The following PARD3B variants were observed in gnomAD, a reference collection of about 807,000 sequenced individuals.
PARD3B encodes partitioning defective 3 homolog B.
In PARD3B, 103 loss-of-function variants were observed where a neutral mutation model predicts 130.2. The ratio of observed to expected loss-of-function variants is 0.79; its 90% confidence interval spans 0.67 to 0.93. PARD3B has a LOEUF of 0.93. PARD3B is among the 40% of genes least tolerant of loss of function. The probability of loss-of-function intolerance (pLI) is 0.00; values close to 1 mark genes in which losing one functional copy is unlikely to be tolerated. For missense variants in PARD3B, 1,609 were observed against 1,499.2 expected, an observed-to-expected ratio of 1.07 and a Z score of -1.21; for synonymous variants, 583 against 553.2, an observed-to-expected ratio of 1.05 and a Z score of -0.76.
At chr2:204,546,548 C>T (rs951479710) in intron 1 of PARD3B, among the ~76,000 whole-genome samples, 2 of 152,160 alleles carry the variant, frequency 1.3e-5, no homozygotes, top group Non-Finnish European at 1.5e-5. Context: ...CACTTAGGCT[C>T]CTTGGAGTTA....
chr2:204,596,291 A>G (rs2033286005), intron 1 of PARD3B, among the ~76,000 whole-genome samples: 1 of 152,148 alleles, frequency 6.6e-6, no homozygotes, highest in South Asian at 2.1e-4. Context: ...CAGCTCTTCA[A>G]ATCATTAACC....
At position 205,274,743 on chromosome 2, in the gene PARD3B, C is replaced by T. The variant is rs2040874367; in HGVS notation, c.2186-25787C>T. ...AGAATTTATTATGCAACTTTTAAGC[C>T]CTCTACAGAAATCATTATATTATTT... On this transcript the variant is annotated intron_variant, in intron 16 of 22. Transcript: ENST00000406610. The surrounding 1 kb of genome is among the most constrained non-coding windows in gnomAD (Gnocchi z 4.2). 6.6e-6 allele frequency among the ~76,000 whole-genome samples: 1 copy of T among 151,726 alleles called. No individual in the cohort carries two copies. Among genetic ancestry groups the T allele is most frequent in the Admixed American group, 6.6e-5 (1 of 15,216 alleles).
At chr2:204,868,171 G>A (rs1340092750) in intron 2 of PARD3B, among the ~76,000 whole-genome samples, 2 of 152,144 alleles carry the variant, frequency 1.3e-5, no homozygotes, top group African/African-American at 4.8e-5. Context: ...GCCAGTCTGG[G>A]CTCTATAAAT....
chr2:205,172,377 T>TGG lies in PARD3B; in HGVS notation c.1788_1789dup (p.Glu597GlyfsTer22). 1 of 1,612,686 alleles carries TGG rather than the reference T, an allele frequency of 6.2e-7. No homozygotes were observed. Among genetic ancestry groups the TGG allele is most frequent in the South Asian group, 1.1e-5 (1 of 90,820 alleles). ...ATTCTGAGGAGGCCAGAGAGACCAA[T>TGG]GGAGGTGATGCAAATCTTGATTCTC... On this transcript the variant is annotated frameshift_variant, in exon 12 of 23. Coordinates refer to ENST00000406610, the MANE Select transcript of PARD3B (RefSeq NM_001302769.2). LOFTEE classifies it high-confidence loss of function.
At chr2:205,543,180 G>C (rs1465405472) in intron 21 of PARD3B, among the ~76,000 whole-genome samples, 1 of 152,098 alleles carries the variant, frequency 6.6e-6, no homozygotes, top group Non-Finnish European at 1.5e-5. Flanking sequence ...CACTCAGGAA[G>C]CTTACAATCT....
intron 2 of PARD3B, among the ~76,000 whole-genome samples, chr2:204,836,417 C>T (rs57531270): frequency 0.016 from 2,428 of 152,214 alleles, 63 homozygotes; most frequent in African/African-American, 0.056. Flanking sequence ...AATCCTAGCA[C>T]TTTGGGAGGC....
chr2:205,158,464 G>T lies in PARD3B; in HGVS notation c.1435-258G>T, dbSNP rs1018276263. On this transcript the variant is annotated intron_variant, in intron 10 of 22. Transcript: ENST00000406610. The surrounding 1 kb of genome is among the most constrained non-coding windows in gnomAD (Gnocchi z 5.4). ...CTTGCGAGGTGTTTCAGATTGCATC[G>T]CTCTGACTTGCCAAACGATCCTCTC... is the stretch of plus-strand genomic sequence containing the variant. Among the ~76,000 whole-genome samples, 4 of 152,002 alleles carry T rather than the reference G, an allele frequency of 2.6e-5. No homozygotes were observed. The highest frequency in any genetic ancestry group is 1.9e-4 in the East Asian group (1 of 5,178).
chr2:204,917,748 C>G (rs1220648822), intron 2 of PARD3B, among the ~76,000 whole-genome samples: 9 of 152,152 alleles, frequency 5.9e-5, no homozygotes, highest in African/African-American at 1.9e-4. Flanking sequence ...TTATTCAGAG[C>G]ATTTCATTTG....
chr2:204,790,578 G>C (rs1395979434), intron 2 of PARD3B, among the ~76,000 whole-genome samples: 1 of 152,138 alleles, frequency 6.6e-6, no homozygotes, highest in African/African-American at 2.4e-5. Flanking sequence ...ATAATGTGGA[G>C]TTGACACCAC....
intron 1 of PARD3B, among the ~76,000 whole-genome samples, chr2:204,585,085 G>C (rs2032758083): frequency 6.6e-6 from 1 of 152,132 alleles, no homozygotes; most frequent in Non-Finnish European, 1.5e-5. Flanking sequence ...CTCTAGAGGG[G>C]GCTAGAGATG....
intron 22 of PARD3B, among the ~76,000 whole-genome samples, chr2:205,583,692 T>TTTTGTAAAAA (rs2054088922): frequency 6.6e-6 from 1 of 152,232 alleles, no homozygotes. Context: ...AAATGAATCA[T>TTTTGTAAAAA]ACCTTTTGTA....
In PARD3B at chr2:205,550,218, G is replaced by C. The variant is rs540684220; in HGVS notation, c.3181-3106G>C. Among the ~76,000 whole-genome samples, 1 of 152,210 alleles carries C rather than the reference G, an allele frequency of 6.6e-6. No homozygotes were observed. Among genetic ancestry groups the C allele is most frequent in the African/African-American group, 2.4e-5 (1 of 41,526 alleles). ...CATCCATATTCAGGTTTGAGATGAC[G>C]CTTCAACACCCGTATGACGCTGTCT... On this transcript the variant is annotated intron_variant, in intron 21 of 22. Transcript: ENST00000406610. This position sits in a 1 kb window ranked among gnomAD's most constrained non-coding sequence, Gnocchi z 4.5.
intron 18 of PARD3B, among the ~76,000 whole-genome samples, chr2:205,394,851 TGG>T (rs944767022): frequency 3.3e-5 from 5 of 151,370 alleles, no homozygotes; most frequent in African/African-American, 1.2e-4. Context: ...AAGGAGGGAG[TGG>T]GGAGTTACTA....
intron 15 of PARD3B, among the ~76,000 whole-genome samples, chr2:205,226,258 G>A (rs976952584): frequency 3.3e-5 from 5 of 152,126 alleles, no homozygotes; most frequent in Admixed American, 6.5e-5. Flanking sequence ...AGCCAGGATG[G>A]TCTCGATCTC....
chr2:205,043,279 CAATA>C (rs1698516907), intron 3 of PARD3B, among the ~76,000 whole-genome samples: 1 of 152,026 alleles, frequency 6.6e-6, no homozygotes, highest in Non-Finnish European at 1.5e-5. Context: ...ACACAGCTCA[CAATA>C]AATAACAAGT....
At chr2:205,427,671 AT>A (rs1184523327) in intron 19 of PARD3B, among the ~76,000 whole-genome samples, 1 of 152,170 alleles carries the variant, frequency 6.6e-6, no homozygotes, top group Non-Finnish European at 1.5e-5. Flanking sequence ...TATATATTAT[AT>A]TTTGCTATAT....
At chr2:204,849,144 A>G (rs558550804) in intron 2 of PARD3B, among the ~76,000 whole-genome samples, 170 of 152,256 alleles carry the variant, frequency 1.1e-3, no homozygotes, top group African/African-American at 3.7e-3. Flanking sequence ...CTATTGGAAA[A>G]AGACATCCAC....
At chr2:204,600,438 T>G (rs1422034532) in intron 1 of PARD3B, among the ~76,000 whole-genome samples, 1 of 151,894 alleles carries the variant, frequency 6.6e-6, no homozygotes, top group Non-Finnish European at 1.5e-5. Context: ...TTCTTTAATA[T>G]TCTTTGCACC....
In PARD3B at chr2:205,317,393, G is replaced by C. The variant is rs183506745; in HGVS notation, c.2630+15692G>C. Among the ~76,000 whole-genome samples, 236 of 152,316 alleles carry C rather than the reference G, an allele frequency of 1.5e-3. 2 individuals are homozygous for C. The highest frequency in any genetic ancestry group is 6.9e-4 in the Non-Finnish European group (47 of 68,020). On this transcript the variant is annotated intron_variant, in intron 18 of 22. Coordinates refer to ENST00000406610, the MANE Select transcript of PARD3B (RefSeq NM_001302769.2). ...TAGAATGGGATTGGTTAGCTGGAAAGTCAGTTTCACAAAGTGAAATGGCAC... is the reference window on the plus strand; with the variant it reads ...TAGAATGGGATTGGTTAGCTGGAAACTCAGTTTCACAAAGTGAAATGGCAC...
Sources: gnomAD v4.1 joint callset for allele counts (sites outside exome capture counted in the v4.1 genomes callset) on GRCh38, gnomAD v4.1.1 for gene constraint, Gnocchi (gnomAD v3.1) non-coding constraint, MANE v1.5 for transcripts, NCBI Gene and HGNC (gene_info 2026-07-23, HGNC 2026-07-21) for gene names.